The following MYO15A variants were observed in gnomAD, a reference collection of about 807,000 sequenced individuals.
MYO15A encodes unconventional myosin-XV.
MYO15A carries 308 observed loss-of-function variants against 394.6 expected under a neutral mutation model. That is an observed-to-expected ratio of 0.78 (90% CI 0.71 to 0.86). MYO15A has a LOEUF of 0.86. MYO15A is among the 40% of genes least tolerant of loss of function. MYO15A has a pLI of 0.00. For missense variants in MYO15A, 4,606 were observed against 4,799.1 expected (o/e 0.96, Z 1.19); for synonymous variants, 1,957 against 2,003.8 (o/e 0.98, Z 0.62).
rs1173572872 is a variant in MYO15A at position 18,135,135 on chromosome 17, G to C, written c.4483-576G>C. 2.6e-5 allele frequency among the ~76,000 whole-genome samples: 4 copies of C among 151,954 alleles called. No individual in the cohort carries two copies. In the East Asian group the frequency reaches 7.7e-4, roughly 29 times the overall value. On this transcript the variant is annotated intron_variant, in intron 12 of 65. Coordinates refer to ENST00000647165, the MANE Select transcript of MYO15A (RefSeq NM_016239.4). ...CCCACCTCAGCCTCCCAAAGTGCTG[G>C]GATTACAGACATGAGCCACCGTGCC...
chr17:18,126,646 C>A (rs2046047816), intron 5 of MYO15A, 145 bp from the exon 6 acceptor site: 1 of 1,148,154 alleles, frequency 8.7e-7, no homozygotes, highest in Non-Finnish European at 1.3e-6. Context: ...TCGTTCAGAC[C>A]AGGATGGGGG....
chr17:18,138,095 C>T lies in MYO15A; in HGVS notation c.4876-20C>T. 1 of 1,606,928 alleles carries T rather than the reference C, an allele frequency of 6.2e-7. No homozygotes were observed. ...TGGACAGGGATGGGAGGTTGAGCTC[C>T]TGCTGCCCACTGCCTGCAGGAGGAG... On this transcript the variant is annotated intron_variant, in intron 16 of 65. Coordinates refer to ENST00000647165, the MANE Select transcript of MYO15A (RefSeq NM_016239.4).
intron 4 of MYO15A, 94 bp downstream of exon 4, chr17:18,125,325 C>G: frequency 8.0e-7 from 1 of 1,248,344 alleles, no homozygotes; most frequent in East Asian, 2.3e-5. Context: ...CTTGTGGGCC[C>G]TAGCCCCTGT....
rs1196915574 is a variant in MYO15A, at chr17:18,119,549, C to A, written c.749C>A (p.Ser250Ter). Reference protein sequence around the residue: ...RDGDDYYDRQSLHRYEEQEPY... With the variant: ...RDGDDYYDRQ ...GGCGACGACTACTACGACCGGCAGT[C>A]ACTCCACCGCTACGAGGAGCAGGAA... Residue 250 changes from serine (S) to a stop codon, truncating the protein, a stop_gained, in exon 2 of 66, where the codon TCA becomes TAA. Coordinates refer to ENST00000647165, the MANE Select transcript of MYO15A (RefSeq NM_016239.4). LOFTEE classifies it high-confidence loss of function. 6.2e-7 allele frequency: 1 copy of A among 1,608,240 alleles called. No individual in the cohort carries two copies. The highest frequency in any genetic ancestry group is 8.5e-7 in the Non-Finnish European group (1 of 1,179,950).
rs200451098 is a variant in MYO15A, at chr17:18,154,132, T to C, written c.8090T>C (p.Val2697Ala). The stretch of plus-strand genomic sequence containing the variant: ...CCCACTGAAGCCCCGCCCCTGCAGG[T>C]GTTTTACCCCAAGGACAGCTACAGC... ...APWKIFLRKE[V>A]FYPKDSYSHP... Residue 2697 changes from valine (V) to alanine (A), a missense_variant and splice_region_variant, in exon 44 of 66, where the codon GTG becomes GCG. By Grantham distance (64) the Val-to-Ala change is moderately conservative. Around this residue, in one of 2 missense-constraint regions of MYO15A, gnomAD observed 2,776 missense variants for 3,109.3 expected, o/e 0.89. Transcript: ENST00000647165. The C allele has an allele frequency of 1.1e-4, 173 of 1,613,796 alleles. No homozygotes were observed. The highest frequency in any genetic ancestry group is 7.8e-5 in the Non-Finnish European group (92 of 1,179,994).
intron 24 of MYO15A, among the ~76,000 whole-genome samples, chr17:18,142,464 T>A (rs1400328370): frequency 2.6e-5 from 4 of 152,184 alleles, no homozygotes; most frequent in Admixed American, 6.5e-5. Flanking sequence ...TGGGTGGGAA[T>A]CCATTCAGCC....
Position 18,117,855 on chromosome 17 carries a change from T to A in MYO15A, c.-219-727T>A, listed in dbSNP as rs1169929962. Among the ~76,000 whole-genome samples, 1 of 152,058 alleles carries A rather than the reference T, an allele frequency of 6.6e-6. No homozygotes were observed. The highest frequency in any genetic ancestry group is 1.5e-5 in the Non-Finnish European group (1 of 68,020). On this transcript the variant is annotated intron_variant, in intron 1 of 65. Transcript: ENST00000647165. This position sits in a 1 kb window ranked among gnomAD's most constrained non-coding sequence, Gnocchi z 4.1. ...CCCAGAAAGGAGCCAGCAGGAGGCA[T>A]CTCCAGTTACCCAGCAGCTCCATCA... is the stretch of plus-strand genomic sequence containing the variant.
In MYO15A at chr17:18,119,835, C is replaced by T. The variant is rs781756856; in HGVS notation, c.1035C>T (p.Pro345=). The stretch of plus-strand genomic sequence containing the variant: ...ACCCTTATGGCTACTACCTGGATCC[C>T]TATGCGCCGTACGACGCGCCATACC... ...EAHPYGYYLD[P]YAPYDAPYPP... is the part of the protein sequence containing the mutation. Residue 345 remains proline, a synonymous_variant, in exon 2 of 66, where the codon CCC becomes CCT. Transcript: ENST00000647165. 3.1e-6 allele frequency: 5 copies of T among 1,612,942 alleles called. No individual in the cohort carries two copies. Among genetic ancestry groups the T allele is most frequent in the Admixed American group, 1.7e-5 (1 of 60,006 alleles).
rs537754926 is a variant in MYO15A at position 18,151,613 on chromosome 17, C to A, written c.7787+86C>A. On this transcript the variant is annotated intron_variant, in intron 40 of 65. Transcript: ENST00000647165. Reference sequence around the variant, plus strand: ...GGCCCACCAGCTTACTGGGTTGAAGCGCCCTGCCCAGCTCCTGTTAGGGAG... The same window carrying A: ...GGCCCACCAGCTTACTGGGTTGAAGAGCCCTGCCCAGCTCCTGTTAGGGAG... 5 of 1,548,632 alleles carry A rather than the reference C, an allele frequency of 3.2e-6. No individual in the cohort carries two copies. In the African/African-American group the frequency reaches 5.4e-5, roughly 17 times the overall value.
chr17:18,156,417 C>T (rs2046676550), intron 48 of MYO15A, 81 bp downstream of exon 48: 4 of 1,483,802 alleles, frequency 2.7e-6, no homozygotes, highest in South Asian at 1.2e-5. Flanking sequence ...GGAAATATGA[C>T]TGTGTCCATA....
Position 18,158,552 on chromosome 17 carries a change from C to T in MYO15A, c.8997C>T (p.Asp2999=). The change falls in exon 52 of 66, where the codon GAC becomes GAT. Residue 2999 remains aspartate (D), a synonymous_variant. Coordinates refer to ENST00000647165, the MANE Select transcript of MYO15A (RefSeq NM_016239.4). ...EGPPVRARSA[D]HGEDALALPP... is the part of the protein sequence containing the mutation. ...CCCCAGTCAGGGCCCGCTCTGCTGA[C>T]CATGGGGAGGACGCCCTGGCGCTCC... 6.2e-7 allele frequency: 1 copy of T among 1,614,164 alleles called. No homozygotes were observed. The highest frequency in any genetic ancestry group is 8.5e-7 in the Non-Finnish European group (1 of 1,180,014).
In MYO15A at chr17:18,153,664, C is replaced by G; in HGVS notation, c.7967-111C>G. On this transcript the variant is annotated intron_variant, in intron 42 of 65. Transcript: ENST00000647165. This position sits in a 1 kb window ranked among gnomAD's most constrained non-coding sequence, Gnocchi z 4.1. ...AGTGGGCCGAGATTGCGCCACTGCA[C>G]TCTAGCCTGGGGGACAACAGCGAAA... 1 of 1,166,464 alleles carries G rather than the reference C, an allele frequency of 8.6e-7. No homozygotes were observed. The highest frequency in any genetic ancestry group is 1.1e-6 in the Non-Finnish European group (1 of 907,650). 72.3% of individuals were successfully genotyped at this position (1,166,464 alleles called of 1,614,324 possible).
At chr17:18,142,289 C>T (rs768430156) in intron 24 of MYO15A, 35 bp downstream of exon 24, 1 of 1,601,794 alleles carries the variant, frequency 6.2e-7, no homozygotes, top group South Asian at 1.1e-5. Context: ...CCTAGGAGAC[C>T]TATGGTCAGG....
At chr17:18,157,641 G>A (rs928842190) in intron 50 of MYO15A, 81 bp from the exon 51 acceptor site, 8 of 1,589,360 alleles carry the variant, frequency 5.0e-6, no homozygotes, top group Non-Finnish European at 6.8e-6. Context: ...GGTTAAGAAT[G>A]TTCCCAAATC....
rs1245795181 is a variant in MYO15A at position 18,132,442 on chromosome 17, C to A, written c.4207-11C>A. 2 of 1,612,686 alleles carry A rather than the reference C, an allele frequency of 1.2e-6. No homozygotes were observed. The highest frequency in any genetic ancestry group is 1.7e-6 in the Non-Finnish European group (2 of 1,179,198). On this transcript the variant is annotated splice_polypyrimidine_tract_variant and intron_variant, in intron 10 of 65. Coordinates refer to ENST00000647165, the MANE Select transcript of MYO15A (RefSeq NM_016239.4). The surrounding 1 kb of genome is among the most constrained non-coding windows in gnomAD (Gnocchi z 4.6). The stretch of plus-strand genomic sequence containing the variant: ...GGCTCCCTTCTCTGTGCCCACCTAC[C>A]CACTCTACAGGCCAAAAACGAGAGG...
chr17:18,158,351 G>A (rs947318228), intron 51 of MYO15A, 172 bp from the exon 52 acceptor site: 36 of 631,416 alleles, frequency 5.7e-5, no homozygotes, highest in Non-Finnish European at 9.5e-5. Context: ...TAAAAGGCGT[G>A]GGCGGGCTGA....
rs186853974 is a variant in MYO15A at position 18,115,811 on chromosome 17, C to T, written c.-219-2771C>T. Among the ~76,000 whole-genome samples the T allele has an allele frequency of 4.9e-4, 74 of 152,256 alleles. 2 individuals carry two copies. In the East Asian group the frequency reaches 0.012, roughly 25 times the overall value. ...GCCACCTGGCCTGTCTGCTCCTCCACCTGCTTGGGACTGTGCACTGCCCAC... is the reference window on the plus strand; with the variant it reads ...GCCACCTGGCCTGTCTGCTCCTCCATCTGCTTGGGACTGTGCACTGCCCAC... On this transcript the variant is annotated intron_variant, in intron 1 of 65. Transcript: ENST00000647165.
rs965673211 is a variant in MYO15A at position 18,121,318 on chromosome 17, C to A, written c.2518C>A (p.Leu840Met). ...GCGCCTGGGCCCACCCGGCTCGCCG[C>A]TGCCGGGCTCACCCAGGCCGCCCTC... is the stretch of plus-strand genomic sequence containing the variant. Reference protein sequence around the residue: ...AGRLGPPGSPLPGSPRPPSPP... With the variant: ...AGRLGPPGSPMPGSPRPPSPP... The change falls in exon 2 of 66, where the codon CTG becomes ATG. Residue 840 changes from leucine (L) to methionine (M), a missense_variant. Coordinates refer to ENST00000647165, the MANE Select transcript of MYO15A (RefSeq NM_016239.4). The surrounding 1 kb of genome is among the most constrained non-coding windows in gnomAD (Gnocchi z 5.3). 81 of 1,352,328 alleles carry A rather than the reference C, an allele frequency of 6.0e-5. No individual in the cohort carries two copies. In the African/African-American group the frequency reaches 1.2e-3, roughly 20 times the overall value. The allele number at this position is 1,352,328 out of a possible 1,614,324, so 83.8% of individuals were successfully genotyped here.
Position 18,150,698 on chromosome 17 carries a change from T to C in MYO15A, c.7328T>C (p.Ile2443Thr). The change falls in exon 37 of 66, where the codon ATC (isoleucine) becomes ACC (threonine). Residue 2443 changes from isoleucine (I) to threonine (T), a missense_variant and splice_region_variant. Ile to Thr is a moderately conservative substitution (Grantham distance 89). Transcript: ENST00000647165. This position sits in a 1 kb window ranked among gnomAD's most constrained non-coding sequence, Gnocchi z 4.4. Reference protein sequence around the residue: ...TPRRPPEPKPIPGLDASTLAL... With the variant: ...TPRRPPEPKPTPGLDASTLAL... The stretch of plus-strand genomic sequence containing the variant: ...TGTGCCTTCTGCCCCCTCCCCTCAG[T>C]CCCAGGCCTGGATGCCTCCACATTG... 6.3e-7 allele frequency: 1 copy of C among 1,589,788 alleles called. No homozygotes were observed. The highest frequency in any genetic ancestry group is 1.1e-5 in the South Asian group (1 of 88,084).
Sources: gnomAD v4.1 joint callset for allele counts (sites outside exome capture counted in the v4.1 genomes callset) on GRCh38, gnomAD v4.1.1 for gene constraint, gnomAD v4.1.1 regional missense constraint, Gnocchi (gnomAD v3.1) non-coding constraint, MANE v1.5 for transcripts, NCBI Gene and HGNC (gene_info 2026-07-23, HGNC 2026-07-21) for gene names.